The following MIPOL1 variants were observed in gnomAD, a reference collection of about 807,000 sequenced individuals.
The protein encoded by MIPOL1 is mirror-image polydactyly gene 1 protein.
In MIPOL1, 57 loss-of-function variants were observed where a neutral mutation model predicts 60.9. That is an observed-to-expected ratio of 0.94 (90% CI 0.76 to 1.17). The LOEUF (loss-of-function observed/expected upper bound fraction) is 1.17. Ranked by LOEUF, MIPOL1 falls within the 50% of genes most tolerant of loss-of-function variation. The pLI is 0.00. For missense variants in MIPOL1, 551 were observed against 511.6 expected, an observed-to-expected ratio of 1.08 and a Z score of -0.74; for synonymous variants, 179 against 168.8, an observed-to-expected ratio of 1.06 and a Z score of -0.47.
chr14:37,304,980 C>T (rs1248720426), intron 7 of MIPOL1, among the ~76,000 whole-genome samples: 1 of 151,678 alleles, frequency 6.6e-6, no homozygotes, highest in Non-Finnish European at 1.5e-5. Context: ...TCATATAACA[C>T]CAACTATTAT....
intron 9 of MIPOL1, among the ~76,000 whole-genome samples, chr14:37,318,221 GTGTCT>G (rs2088141122): frequency 6.6e-6 from 1 of 152,144 alleles, no homozygotes; most frequent in South Asian, 2.1e-4. Context: ...AAATATCCTA[GTGTCT>G]TAACCTCTCC....
At chr14:37,202,923 T>C (rs1965549917) in intron 1 of MIPOL1, among the ~76,000 whole-genome samples, 1 of 152,206 alleles carries the variant, frequency 6.6e-6, no homozygotes, top group African/African-American at 2.4e-5. Context: ...TATTTGTCTA[T>C]TGCTTATTTG....
At position 37,548,834 on chromosome 14, in the gene MIPOL1, G is replaced by A. The variant is rs1488569527; in HGVS notation, c.*1863G>A. On this transcript the variant is annotated 3_prime_UTR_variant, in exon 13 of 13. Transcript: ENST00000684589. ...ACAATTTCCAAACAAATCTTTCTAC[G>A]CTTAAATGATCAAATTAGAAAAACC... 3 of 151,806 alleles carry A rather than the reference G, an allele frequency of 2.0e-5. No individual in the cohort carries two copies. The highest frequency in any genetic ancestry group is 4.4e-5 in the Non-Finnish European group (3 of 67,800). 9.4% of individuals were successfully genotyped at this position (151,806 alleles called of 1,614,324 possible).
intron 3 of MIPOL1, among the ~76,000 whole-genome samples, chr14:37,249,648 A>G (rs1446894812): frequency 6.6e-6 from 1 of 152,196 alleles, no homozygotes; most frequent in African/African-American, 2.4e-5. Flanking sequence ...AATAGTGCGT[A>G]TATTATGTGA....
intron 9 of MIPOL1, among the ~76,000 whole-genome samples, chr14:37,321,356 T>G (rs1007142413): frequency 7.9e-5 from 12 of 152,048 alleles, no homozygotes; most frequent in African/African-American, 2.7e-4. Context: ...CCATGAATTA[T>G]TTAAAAATAT....
rs544477768 is a variant in MIPOL1, at chr14:37,520,334, T to G, written c.1262+20196T>G. Among the ~76,000 whole-genome samples the G allele has an allele frequency of 3.2e-4, 49 of 152,320 alleles. 2 individuals carry two copies. The South Asian group carries it at 9.9e-3, about 31-fold the overall frequency. On this transcript the variant is annotated intron_variant, in intron 12 of 12. Coordinates refer to ENST00000684589, the MANE Select transcript of MIPOL1 (RefSeq NM_001388067.1). ...AAAATTTCATTCAGTGCTAATTATA[T>G]ATGACTTTTATGAAAGTTAGGAAGG...
At chr14:37,456,982 A>G (rs1262831125) in intron 11 of MIPOL1, among the ~76,000 whole-genome samples, 1 of 152,188 alleles carries the variant, frequency 6.6e-6, no homozygotes, top group African/African-American at 2.4e-5. Context: ...TAATAATTGG[A>G]TATATCTTTA....
At chr14:37,377,322 C>T (rs1197429317) in intron 10 of MIPOL1, among the ~76,000 whole-genome samples, 3 of 152,016 alleles carry the variant, frequency 2.0e-5, no homozygotes, top group Non-Finnish European at 2.9e-5. Context: ...TTTTTGTTTT[C>T]CTTAGATAAG....
chr14:37,354,111 T>C (rs978450834), intron 9 of MIPOL1, among the ~76,000 whole-genome samples: 52 of 151,638 alleles, frequency 3.4e-4, no homozygotes, highest in African/African-American at 1.1e-3. Context: ...GTTGTGTCTT[T>C]GTTCTCGTTG....
At chr14:37,238,044 G>T (rs935586279) in intron 1 of MIPOL1, among the ~76,000 whole-genome samples, 1 of 152,012 alleles carries the variant, frequency 6.6e-6, no homozygotes, top group Non-Finnish European at 1.5e-5. Flanking sequence ...ATAGCTCATT[G>T]TAACCTTGAA....
At chr14:37,542,957 A>G (rs1424280478) in intron 12 of MIPOL1, among the ~76,000 whole-genome samples, 1 of 152,178 alleles carries the variant, frequency 6.6e-6, no homozygotes, top group East Asian at 1.9e-4. Context: ...CGTCCTACTG[A>G]TACCACGAAT....
At chr14:37,460,089 AAAT>A (rs139000493) in intron 11 of MIPOL1, among the ~76,000 whole-genome samples, 72,464 of 148,556 alleles carry the variant, frequency 0.49, 19,047 homozygotes, top group African/African-American at 0.69. Flanking sequence ...AATAATAGTA[AAAT>A]AATAATAATA....
intron 7 of MIPOL1, among the ~76,000 whole-genome samples, chr14:37,295,756 A>G (rs1341512957): frequency 2.0e-5 from 3 of 152,236 alleles, no homozygotes; most frequent in Non-Finnish European, 2.9e-5. Flanking sequence ...AGAACTAACT[A>G]TCCTAAATAT....
chr14:37,407,072 T>C (rs1183643887), intron 10 of MIPOL1, among the ~76,000 whole-genome samples: 2 of 152,148 alleles, frequency 1.3e-5, no homozygotes, highest in African/African-American at 2.4e-5. Context: ...AAGACAAATA[T>C]TTTAAATTGC....
intron 11 of MIPOL1, among the ~76,000 whole-genome samples, chr14:37,432,332 C>A (rs1312242522): frequency 6.6e-6 from 1 of 152,142 alleles, no homozygotes; most frequent in Non-Finnish European, 1.5e-5. Flanking sequence ...TGCTTCTGTT[C>A]TTTATGTATA....
chr14:37,340,703 A>G (rs951246468), intron 9 of MIPOL1, among the ~76,000 whole-genome samples: 26 of 152,150 alleles, frequency 1.7e-4, no homozygotes, highest in Non-Finnish European at 1.5e-5. Flanking sequence ...CAAAAAAAAA[A>G]AAAAAGTTAC....
chr14:37,394,084 A>ATCTC (rs1555329418), intron 10 of MIPOL1, among the ~76,000 whole-genome samples: 3 of 134,668 alleles, frequency 2.2e-5, no homozygotes, highest in South Asian at 4.8e-4. Flanking sequence ...ATATATATAT[A>ATCTC]TCTCCATGTT....
intron 11 of MIPOL1, among the ~76,000 whole-genome samples, chr14:37,459,704 A>G (rs1485610777): frequency 6.6e-6 from 1 of 152,178 alleles, no homozygotes; most frequent in East Asian, 1.9e-4. Flanking sequence ...AAGCCAGGGA[A>G]GGACACATAC....
intron 10 of MIPOL1, among the ~76,000 whole-genome samples, chr14:37,417,547 C>T (rs1047150663): frequency 1.6e-4 from 24 of 152,062 alleles, no homozygotes; most frequent in African/African-American, 5.8e-4. Flanking sequence ...CATTTTTATC[C>T]TTTTGAAAAT....
Sources: allele counts gnomAD v4.1 joint callset (sites outside exome capture counted in the v4.1 genomes callset), GRCh38; gene constraint gnomAD v4.1.1; transcripts MANE v1.5; gene names NCBI Gene and HGNC (gene_info 2026-07-23, HGNC 2026-07-21).